MALRD1: variants seen among roughly 807,000 people sequenced by gnomAD.
MALRD1 encodes MAM and LDL receptor class A domain containing 1.
A neutral mutation model predicts 242.1 loss-of-function variants in MALRD1; 247 were observed. The observed-to-expected ratio is 1.02, with a 90% CI of 0.92 to 1.13. MALRD1 has a LOEUF of 1.13. Ranked by LOEUF, MALRD1 falls within the 50% of genes most tolerant of loss-of-function variation. MALRD1 has a pLI of 0.00. For synonymous variants in MALRD1, 995 were observed against 866.6 expected (o/e 1.15, Z -2.60); for missense variants, 2,989 against 2,533.1 (o/e 1.18, Z -3.86).
intron 20 of MALRD1, 57 bp downstream of exon 20, chr10:19,280,280 T>C (rs1479956825): frequency 1.5e-6 from 2 of 1,338,154 alleles, no homozygotes; most frequent in Admixed American, 3.2e-5. Flanking sequence ...AATGCAAGTG[T>C]AATCTCTAAG....
chr10:19,589,987 T>C (rs1283199786), intron 33 of MALRD1, among the ~76,000 whole-genome samples: 1 of 152,148 alleles, frequency 6.6e-6, no homozygotes, highest in African/African-American at 2.4e-5. Context: ...CCTTATAACA[T>C]TTCCCTTGCA....
chr10:19,661,074 A>C (rs1841404902), intron 36 of MALRD1, among the ~76,000 whole-genome samples: 1 of 152,172 alleles, frequency 6.6e-6, no homozygotes. Context: ...GCAAATCAAA[A>C]CCACAATGAG....
chr10:19,389,372 G>A (rs771734403), intron 27 of MALRD1, 80 bp from the exon 28 acceptor site: 2 of 1,396,386 alleles, frequency 1.4e-6, no homozygotes, highest in East Asian at 2.5e-5. Context: ...TGTAATTAAA[G>A]ACCCTAACTA....
intron 28 of MALRD1, among the ~76,000 whole-genome samples, chr10:19,410,221 T>G (rs961564007): frequency 6.6e-6 from 1 of 152,172 alleles, no homozygotes; most frequent in African/African-American, 2.4e-5. Flanking sequence ...ACTTTATGCT[T>G]TTCATATTGC....
chr10:19,466,525 G>C (rs1836224047), intron 29 of MALRD1, among the ~76,000 whole-genome samples: 1 of 152,150 alleles, frequency 6.6e-6, no homozygotes, highest in African/African-American at 2.4e-5. Context: ...CTTTCTCACA[G>C]TTCTGGAGGC....
At chr10:19,645,675 C>A (rs1193277452) in intron 36 of MALRD1, among the ~76,000 whole-genome samples, 2 of 151,646 alleles carry the variant, frequency 1.3e-5, no homozygotes, top group South Asian at 2.1e-4. Flanking sequence ...GGGAATTGAA[C>A]AATGAGAACA....
rs200781057 is a variant in MALRD1 at position 19,428,889 on chromosome 10, T to TA, written c.4846-21411dup. 7.8e-3 allele frequency among the ~76,000 whole-genome samples: 1,191 copies of TA among 152,258 alleles called. 8 individuals are homozygous for TA. The highest frequency in any genetic ancestry group is 0.042 in the East Asian group (218 of 5,170). ...AAGTCTAAAAAGCTCTGAAGCTCTT[T>TA]AAAAAAATTGTAACTCACTTGCCAT... On this transcript the variant is annotated intron_variant, in intron 28 of 39. Coordinates refer to ENST00000454679, the MANE Select transcript of MALRD1 (RefSeq NM_001142308.3).
chr10:19,513,786 G>A (rs1031410323), intron 31 of MALRD1, among the ~76,000 whole-genome samples: 3 of 151,966 alleles, frequency 2.0e-5, no homozygotes, highest in African/African-American at 7.3e-5. Context: ...CTCCTTTATA[G>A]CAATGCAGAA....
At chr10:19,372,430 G>GT (rs1370304309) in intron 26 of MALRD1, among the ~76,000 whole-genome samples, 1 of 151,874 alleles carries the variant, frequency 6.6e-6, no homozygotes, top group Non-Finnish European at 1.5e-5. Flanking sequence ...GTACCATAGA[G>GT]TTAGTGTAGG....
intron 14 of MALRD1, among the ~76,000 whole-genome samples, chr10:19,182,469 C>T (rs1344082626): frequency 2.7e-5 from 4 of 148,786 alleles, no homozygotes; most frequent in African/African-American, 4.9e-5. Context: ...GGACAGCAGG[C>T]GCCCGCCATC....
intron 21 of MALRD1, among the ~76,000 whole-genome samples, chr10:19,297,640 G>T (rs1337742484): frequency 6.6e-6 from 1 of 151,586 alleles, no homozygotes; most frequent in East Asian, 2.0e-4. Context: ...ACTTTCGAAG[G>T]CATGTTAAAA....
chr10:19,102,224 C>T (rs1192311172), intron 4 of MALRD1, among the ~76,000 whole-genome samples: 3 of 150,344 alleles, frequency 2.0e-5, no homozygotes, highest in Non-Finnish European at 4.4e-5. Flanking sequence ...CTAGCTATAT[C>T]TTGGATTCAG....
chr10:19,433,932 T>G (rs1398574904), intron 28 of MALRD1, among the ~76,000 whole-genome samples: 1 of 152,076 alleles, frequency 6.6e-6, no homozygotes, highest in East Asian at 1.9e-4. Context: ...TTTATGTGTT[T>G]GTGGGAATGA....
chr10:19,715,612 G>T (rs1457091300), intron 38 of MALRD1, among the ~76,000 whole-genome samples: 1 of 152,144 alleles, frequency 6.6e-6, no homozygotes, highest in Non-Finnish European at 1.5e-5. Context: ...AAAGCTACTT[G>T]TATTACTCCA....
At chr10:19,099,743 TA>T (rs1185780218) in intron 4 of MALRD1, among the ~76,000 whole-genome samples, 1 of 142,036 alleles carries the variant, frequency 7.0e-6, no homozygotes, top group Admixed American at 7.2e-5. Context: ...GGACCCTCCA[TA>T]GAACCTATAT....
At chr10:19,080,812 A>G (rs1340857240) in intron 2 of MALRD1, among the ~76,000 whole-genome samples, 3 of 152,132 alleles carry the variant, frequency 2.0e-5, no homozygotes, top group Admixed American at 6.6e-5. Context: ...AAAAGAAACT[A>G]TCATCAGAGT....
intron 30 of MALRD1, among the ~76,000 whole-genome samples, chr10:19,498,108 A>G (rs16918877): frequency 1.1e-4 from 16 of 152,310 alleles, no homozygotes; most frequent in African/African-American, 3.8e-4. Context: ...AGGCTATGCT[A>G]TTCAAACATC....
chr10:19,451,679 A>C (rs887561356), intron 29 of MALRD1, among the ~76,000 whole-genome samples: 1 of 152,210 alleles, frequency 6.6e-6, no homozygotes, highest in South Asian at 2.1e-4. Context: ...TCACTGAGGC[A>C]GTTCAAAAAT....
chr10:19,111,223 C>T (rs1050649404), intron 5 of MALRD1, among the ~76,000 whole-genome samples: 4 of 151,992 alleles, frequency 2.6e-5, no homozygotes, highest in African/African-American at 9.7e-5. Context: ...TACAGAAGTA[C>T]AAAAGCAATC....
Sources: allele counts gnomAD v4.1 joint callset (sites outside exome capture counted in the v4.1 genomes callset), GRCh38; gene constraint gnomAD v4.1.1; transcripts MANE v1.5; gene names NCBI Gene and HGNC (gene_info 2026-07-23, HGNC 2026-07-21).